The following AUTS2 variants were observed in gnomAD, a reference collection of about 807,000 sequenced individuals.
AUTS2 encodes activator of transcription and developmental regulator AUTS2.
A neutral mutation model predicts 112.4 loss-of-function variants in AUTS2; 17 were observed. The ratio of observed to expected loss-of-function variants is 0.15; its 90% CI spans 0.10 to 0.23. The LOEUF is 0.23. Ranked by LOEUF, AUTS2 falls within the 10% of genes least tolerant of loss-of-function variation. The probability of loss-of-function intolerance (pLI) is 1.00; values close to 1 mark genes in which losing one functional copy is unlikely to be tolerated. For synonymous variants in AUTS2, 751 were observed against 702.7 expected (o/e 1.07, Z -1.09); for missense variants, 1,510 against 1,701.6 (o/e 0.89, Z 1.98).
chr7:70,194,678 G>T (rs972810937), intron 4 of AUTS2: 12 of 152,158 alleles, frequency 7.9e-5, no homozygotes, highest in Admixed American at 3.3e-4. Context: ...GCAGTCAGGG[G>T]TTTTAACTTT....
At chr7:69,641,565 GA>G (rs1794798837) in intron 1 of AUTS2, among the ~76,000 whole-genome samples, 1 of 152,196 alleles carries the variant, frequency 6.6e-6, no homozygotes, top group Non-Finnish European at 1.5e-5. Context: ...CAAGTTATTG[GA>G]CTGTGAAAGC....
intron 3 of AUTS2, among the ~76,000 whole-genome samples, chr7:70,133,159 C>T (rs1281173783): frequency 3.9e-5 from 6 of 152,156 alleles, no homozygotes; most frequent in East Asian, 1.9e-4. Flanking sequence ...TTGTGTGAAA[C>T]GCTGAGATGA....
chr7:69,815,020 G>A (rs962923597), intron 1 of AUTS2, among the ~76,000 whole-genome samples: 3 of 152,198 alleles, frequency 2.0e-5, no homozygotes, highest in Non-Finnish European at 4.4e-5. Flanking sequence ...AAATAGTGAT[G>A]CCTCAGTTGT....
intron 1 of AUTS2, among the ~76,000 whole-genome samples, chr7:69,701,193 T>C (rs1039221366): frequency 2.6e-5 from 4 of 152,198 alleles, no homozygotes; most frequent in African/African-American, 9.6e-5. Flanking sequence ...ACATGTAAAG[T>C]GCTTGGTACA....
intron 4 of AUTS2, among the ~76,000 whole-genome samples, chr7:70,196,253 G>C (rs1309521575): frequency 6.6e-6 from 1 of 152,204 alleles, no homozygotes; most frequent in Non-Finnish European, 1.5e-5. Context: ...GGTAAAGTGT[G>C]CTGTTGAAGA....
At chr7:69,910,009 C>G (rs1007871308) in intron 2 of AUTS2, among the ~76,000 whole-genome samples, 3 of 152,088 alleles carry the variant, frequency 2.0e-5, no homozygotes, top group Admixed American at 1.3e-4. Flanking sequence ...GGTAGTGGGC[C>G]TGGTGTGCAC....
At chr7:70,153,503 A>C (rs764577849) in intron 4 of AUTS2, among the ~76,000 whole-genome samples, 3 of 152,236 alleles carry the variant, frequency 2.0e-5, no homozygotes, top group Non-Finnish European at 2.9e-5. Flanking sequence ...CATGACTGTC[A>C]GGATGGCTCC....
intron 4 of AUTS2, among the ~76,000 whole-genome samples, chr7:70,225,528 C>G (rs1259437789): frequency 6.6e-6 from 1 of 152,034 alleles, no homozygotes; most frequent in Non-Finnish European, 1.5e-5. Context: ...GTTGAAGGCC[C>G]AGTGAAATTC....
At chr7:70,011,612 C>G (rs1350208756) in intron 2 of AUTS2, among the ~76,000 whole-genome samples, 1 of 152,110 alleles carries the variant, frequency 6.6e-6, no homozygotes, top group Non-Finnish European at 1.5e-5. Flanking sequence ...CCATGGAAAC[C>G]TTCACTGCTT....
At chr7:69,627,711 C>G (rs546728151) in intron 1 of AUTS2, among the ~76,000 whole-genome samples, 1 of 152,104 alleles carries the variant, frequency 6.6e-6, no homozygotes, top group Non-Finnish European at 1.5e-5. Context: ...TTTTTGAGGT[C>G]ACGGTGTCCT....
At chr7:70,693,995 G>A (rs1808903592) in intron 5 of AUTS2, 1 of 151,838 alleles carries the variant, frequency 6.6e-6, no homozygotes, top group African/African-American at 2.4e-5. Flanking sequence ...GCGGGACGGA[G>A]GAGGGGCGGT....
intron 6 of AUTS2, among the ~76,000 whole-genome samples, chr7:70,734,734 G>A (rs1787680591): frequency 6.6e-6 from 1 of 152,138 alleles, no homozygotes; most frequent in African/African-American, 2.4e-5. Context: ...GTCAGCTGTT[G>A]TGTGATATCT....
intron 4 of AUTS2, among the ~76,000 whole-genome samples, chr7:70,320,754 G>C (rs1790216133): frequency 6.6e-6 from 1 of 152,230 alleles, no homozygotes; most frequent in Admixed American, 6.5e-5. Flanking sequence ...GTAGGCTCCA[G>C]GTTCCCCTGG....
chr7:70,019,621 A>G (rs1190169697), intron 2 of AUTS2, among the ~76,000 whole-genome samples: 2 of 152,140 alleles, frequency 1.3e-5, no homozygotes, highest in Non-Finnish European at 2.9e-5. Flanking sequence ...TTTGGCCCTG[A>G]CACTAGCCCT....
chr7:70,738,424 T>TG (rs1019478439), intron 6 of AUTS2, among the ~76,000 whole-genome samples: 8 of 151,674 alleles, frequency 5.3e-5, no homozygotes, highest in African/African-American at 9.7e-5. Flanking sequence ...TTTTGTTTTT[T>TG]TTTTTTTTAC....
chr7:70,151,415 C>G (rs1049293088), intron 4 of AUTS2, among the ~76,000 whole-genome samples: 1 of 152,128 alleles, frequency 6.6e-6, no homozygotes, highest in African/African-American at 2.4e-5. Context: ...AGGGTCTTGT[C>G]TCAGTATTGA....
chr7:69,936,748 C>T (rs1796429285), intron 2 of AUTS2, among the ~76,000 whole-genome samples: 1 of 152,134 alleles, frequency 6.6e-6, no homozygotes, highest in Non-Finnish European at 1.5e-5. Context: ...AATGAACAAT[C>T]CATAGAGTTG....
chr7:69,784,404 A>G (rs1361791195), intron 1 of AUTS2, among the ~76,000 whole-genome samples: 1 of 152,022 alleles, frequency 6.6e-6, no homozygotes, highest in East Asian at 1.9e-4. Flanking sequence ...ATGGAGTCCA[A>G]CCTTCTGGTT....
At chr7:69,731,016 C>A (rs1428161812) in intron 1 of AUTS2, among the ~76,000 whole-genome samples, 1 of 152,302 alleles carries the variant, frequency 6.6e-6, no homozygotes, top group South Asian at 2.1e-4. Context: ...GGGCTTTGGG[C>A]TGGGCATAGT....
Sources: gnomAD v4.1 joint callset for allele counts (sites outside exome capture counted in the v4.1 genomes callset) on GRCh38, gnomAD v4.1.1 for gene constraint, MANE v1.5 for transcripts, NCBI Gene and HGNC (gene_info 2026-07-23, HGNC 2026-07-21) for gene names.